Variants in CTNND2 observed in about 807,000 individuals in gnomAD.
CTNND2 encodes the protein catenin delta 2, also known as catenin delta-2.
CTNND2 carries 22 observed loss-of-function variants against 144.4 expected under a neutral mutation model. The observed-to-expected ratio is 0.15, with a 90% CI of 0.11 to 0.22. The LOEUF (loss-of-function observed/expected upper bound fraction) is 0.22. Ranked by LOEUF, CTNND2 falls within the 10% of genes least tolerant of loss-of-function variation. CTNND2 has a pLI of 1.00. For missense variants in CTNND2, 1,353 were observed against 1,618.8 expected, an observed-to-expected ratio of 0.84 and a Z score of 2.82; for synonymous variants, 751 against 695.6, an observed-to-expected ratio of 1.08 and a Z score of -1.25.
At chr5:11,737,471 G>A (rs1787750247) in intron 1 of CTNND2, among the ~76,000 whole-genome samples, 1 of 152,206 alleles carries the variant, frequency 6.6e-6, no homozygotes, top group South Asian at 2.1e-4. Flanking sequence ...GAGAAAAAGA[G>A]ACAGCAGTGC....
At chr5:11,655,530 T>A (rs1445713211) in intron 2 of CTNND2, among the ~76,000 whole-genome samples, 1 of 152,120 alleles carries the variant, frequency 6.6e-6, no homozygotes, top group African/African-American at 2.4e-5. Flanking sequence ...TTCTTATTCT[T>A]GTCATGATCA....
intron 1 of CTNND2, among the ~76,000 whole-genome samples, chr5:11,789,992 T>C (rs1263500502): frequency 6.6e-6 from 1 of 152,318 alleles, no homozygotes; most frequent in East Asian, 1.9e-4. Flanking sequence ...CTAGTATTAA[T>C]GTACTAGTTT....
chr5:11,605,322 T>C (rs1020549217), intron 2 of CTNND2, among the ~76,000 whole-genome samples: 2 of 152,226 alleles, frequency 1.3e-5, no homozygotes, highest in Non-Finnish European at 2.9e-5. Context: ...ATCTGAGCTG[T>C]AGCAAACAGA....
At chr5:11,830,187 T>A (rs1055214647) in intron 1 of CTNND2, among the ~76,000 whole-genome samples, 1 of 152,210 alleles carries the variant, frequency 6.6e-6, no homozygotes, top group Admixed American at 6.5e-5. Flanking sequence ...TTGCCTCAGA[T>A]GAGACTTTGA....
intron 2 of CTNND2, among the ~76,000 whole-genome samples, chr5:11,640,440 G>A (rs1781941745): frequency 6.6e-6 from 1 of 152,180 alleles, no homozygotes; most frequent in Non-Finnish European, 1.5e-5. Context: ...CACACACTGG[G>A]TACAAATCCT....
At chr5:11,672,749 A>G (rs973430497) in intron 2 of CTNND2, among the ~76,000 whole-genome samples, 3 of 151,906 alleles carry the variant, frequency 2.0e-5, no homozygotes, top group African/African-American at 7.3e-5. Flanking sequence ...TACTGGAGGG[A>G]GTCTCCTGGT....
chr5:11,432,218 A>C (rs912560410), intron 3 of CTNND2, among the ~76,000 whole-genome samples: 2 of 150,726 alleles, frequency 1.3e-5, no homozygotes, highest in Admixed American at 6.6e-5. Context: ...TTATAAATTA[A>C]TACCTGGCAA....
At chr5:11,382,593 CTCTGTGTGTGTGTGTGTGTG>C (rs1177807993) in intron 7 of CTNND2, among the ~76,000 whole-genome samples, 2 of 55,870 alleles carry the variant, frequency 3.6e-5, no homozygotes, top group Admixed American at 2.1e-4. Flanking sequence ...CAGAGTGAGA[CTCTGTGTGTGTGTGTGTGTG>C]TGTGTGTGTG....
At position 10,988,059 on chromosome 5, in the gene CTNND2, G is replaced by GC. The variant is rs1341667060; in HGVS notation, c.3343+51_3343+52insG. Reference sequence around the variant, plus strand: ...GCCTGATGTCCCATATCTCTGCCTTGTCGCGGGTCAAGCCACCAAGTTCCA... The same window carrying GC: ...GCCTGATGTCCCATATCTCTGCCTTGCTCGCGGGTCAAGCCACCAAGTTCCA... On this transcript the variant is annotated intron_variant, in intron 20 of 21. Transcript: ENST00000304623. The surrounding 1 kb of genome is among the most constrained non-coding windows in gnomAD (Gnocchi z 5.9). 8.1e-6 allele frequency: 13 copies of GC among 1,610,428 alleles called. No individual in the cohort carries two copies. In the African/African-American group the frequency reaches 1.6e-4, roughly 20 times the overall value.
chr5:11,104,087 C>T (rs1752177516), intron 14 of CTNND2, among the ~76,000 whole-genome samples: 1 of 152,210 alleles, frequency 6.6e-6, no homozygotes, highest in African/African-American at 2.4e-5. Context: ...ATCTTCAGAA[C>T]ATAAACAGAA....
chr5:11,644,967 G>A (rs1282488152), intron 2 of CTNND2, among the ~76,000 whole-genome samples: 1 of 152,078 alleles, frequency 6.6e-6, no homozygotes, highest in African/African-American at 2.4e-5. Context: ...TACTTTCACA[G>A]TATTTTTTTG....
intron 9 of CTNND2, among the ~76,000 whole-genome samples, chr5:11,302,221 C>T (rs911579081): frequency 2.6e-5 from 4 of 152,108 alleles, no homozygotes; most frequent in Non-Finnish European, 5.9e-5. Context: ...AGAAGGGAAG[C>T]GGGCTTGTGT....
chr5:11,463,973 A>G (rs926353029), intron 3 of CTNND2, among the ~76,000 whole-genome samples: 1 of 152,234 alleles, frequency 6.6e-6, no homozygotes, highest in Non-Finnish European at 1.5e-5. Flanking sequence ...TTAGTTTCAA[A>G]GCAATTTTAA....
chr5:11,058,176 A>T (rs918899311), intron 16 of CTNND2, among the ~76,000 whole-genome samples: 5 of 152,198 alleles, frequency 3.3e-5, no homozygotes, highest in Non-Finnish European at 7.3e-5. Context: ...CGTAATGAGG[A>T]GCTGAATGTT....
intron 3 of CTNND2, among the ~76,000 whole-genome samples, chr5:11,533,457 GCCAAA>G (rs1308218317): frequency 6.6e-6 from 1 of 152,196 alleles, no homozygotes; most frequent in East Asian, 1.9e-4. Context: ...TGAAGAATGA[GCCAAA>G]GTCACTGGAC....
At chr5:11,088,841 A>G (rs905448826) in intron 15 of CTNND2, among the ~76,000 whole-genome samples, 2 of 152,232 alleles carry the variant, frequency 1.3e-5, no homozygotes, top group Non-Finnish European at 2.9e-5. Context: ...TTCAGAAGAC[A>G]GAATCTTATT....
rs547159740 is a variant in CTNND2 at position 11,218,653 on chromosome 5, T to G, written c.1761+18038A>C. Among the ~76,000 whole-genome samples, 3 of 152,328 alleles carry G rather than the reference T, an allele frequency of 2.0e-5. 1 individual carries two copies. Among genetic ancestry groups the G allele is most frequent in the South Asian group, 4.1e-4 (2 of 4,824 alleles). The stretch of plus-strand genomic sequence containing the variant: ...GCTTCCTTTTTAGCTTGAACTACGT[T>G]GAATACTGTCAAAGCCACATGGAGC... On this transcript the variant is annotated intron_variant, in intron 10 of 21. Transcript: ENST00000304623.
At chr5:11,377,379 T>C (rs995765880) in intron 7 of CTNND2, among the ~76,000 whole-genome samples, 3 of 152,148 alleles carry the variant, frequency 2.0e-5, no homozygotes, top group African/African-American at 7.2e-5. Context: ...CTTTTGTGAC[T>C]TCATTCCCTA....
At position 11,767,688 on chromosome 5, in the gene CTNND2, G is replaced by T. The variant is rs535055942; in HGVS notation, c.38-35416C>A. On this transcript the variant is annotated intron_variant, in intron 1 of 21. Coordinates refer to ENST00000304623, the MANE Select transcript of CTNND2 (RefSeq NM_001332.4). ...ACTGGCATACGGCACCATTCTGCTT[G>T]AGTCGATGCTAGGTTTTGACTGGCC... 5.8e-4 allele frequency among the ~76,000 whole-genome samples: 89 copies of T among 152,206 alleles called. No individual in the cohort carries two copies. In the East Asian group the frequency reaches 0.016, roughly 27 times the overall value.
Sources: gnomAD v4.1 joint callset for allele counts (sites outside exome capture counted in the v4.1 genomes callset) on GRCh38, gnomAD v4.1.1 for gene constraint, Gnocchi (gnomAD v3.1) non-coding constraint, MANE v1.5 for transcripts, NCBI Gene and HGNC (gene_info 2026-07-23, HGNC 2026-07-21) for gene names.